The following IMMP1L variants were observed in gnomAD, a reference collection of about 807,000 sequenced individuals.
The protein encoded by IMMP1L is inner mitochondrial membrane peptidase subunit 1.
IMMP1L carries 24 observed loss-of-function variants against 21.8 expected under a neutral mutation model. That is an observed-to-expected ratio of 1.10 (90% CI 0.80 to 1.55). IMMP1L has a LOEUF of 1.55. Ranked by LOEUF, IMMP1L falls within the 40% of genes most tolerant of loss-of-function variation. The pLI, the probability that IMMP1L is intolerant of heterozygous loss-of-function variation, is 0.00. For missense variants in IMMP1L, 195 were observed against 200.7 expected, an observed-to-expected ratio of 0.97 and a Z score of 0.17; for synonymous variants, 46 against 62.8, an observed-to-expected ratio of 0.73 and a Z score of 1.26.
At chr11:31,453,092 C>T (rs767437170) in intron 4 of IMMP1L, 1 of 1,289,294 alleles carries the variant, frequency 7.8e-7, no homozygotes, top group Non-Finnish European at 1.0e-6. Context: ...TTTCCAAATA[C>T]CTAACAGTAA....
At chr11:31,489,008 C>A (rs984284611) in intron 1 of IMMP1L, among the ~76,000 whole-genome samples, 6 of 151,750 alleles carry the variant, frequency 4.0e-5, no homozygotes, top group Non-Finnish European at 5.9e-5. Context: ...GCCATTCTCC[C>A]GCCTCAGCCT....
intron 4 of IMMP1L, among the ~76,000 whole-genome samples, chr11:31,450,065 C>A (rs561072089): frequency 5.3e-5 from 8 of 152,054 alleles, no homozygotes; most frequent in South Asian, 2.1e-4. Context: ...AAAAATGATT[C>A]TTCATTTTAC....
At chr11:31,495,357 C>T (rs1955397855) in intron 1 of IMMP1L, among the ~76,000 whole-genome samples, 1 of 152,196 alleles carries the variant, frequency 6.6e-6, no homozygotes, top group South Asian at 2.1e-4. Context: ...TTACCCTGTT[C>T]CAAAGTCAAT....
chr11:31,452,488 T>C, intron 4 of IMMP1L: 2 of 985,458 alleles, frequency 2.0e-6, no homozygotes, highest in Non-Finnish European at 2.4e-6. Context: ...ATTTATTTCT[T>C]ATTTGCTACA....
At chr11:31,473,952 A>C (rs1954649649) in intron 1 of IMMP1L, among the ~76,000 whole-genome samples, 1 of 152,230 alleles carries the variant, frequency 6.6e-6, no homozygotes, top group African/African-American at 2.4e-5. Context: ...GAAATGATTT[A>C]ATGTCATTAA....
At chr11:31,480,820 G>C (rs1954871274) in intron 1 of IMMP1L, among the ~76,000 whole-genome samples, 1 of 152,020 alleles carries the variant, frequency 6.6e-6, no homozygotes, top group Admixed American at 6.6e-5. Flanking sequence ...CAATAGATGA[G>C]TGCAATGATA....
At chr11:31,495,152 C>A (rs988970870) in intron 1 of IMMP1L, among the ~76,000 whole-genome samples, 2 of 152,318 alleles carry the variant, frequency 1.3e-5, no homozygotes, top group Non-Finnish European at 1.5e-5. Context: ...CCATCTGAGA[C>A]CACCTCAGCC....
chr11:31,484,316 A>G (rs1450618287), intron 1 of IMMP1L, among the ~76,000 whole-genome samples: 2 of 151,958 alleles, frequency 1.3e-5, no homozygotes, highest in East Asian at 3.8e-4. Context: ...ATATAAGCAA[A>G]TATGAATATA....
intron 1 of IMMP1L, among the ~76,000 whole-genome samples, chr11:31,499,366 AAAAACAAAAC>A (rs144325871): frequency 3.3e-5 from 5 of 150,534 alleles, no homozygotes; most frequent in South Asian, 2.1e-4. Flanking sequence ...CTCCGTATCA[AAAAACAAAAC>A]AAAACAAAAC....
At chr11:31,488,216 G>T (rs1310395642) in intron 1 of IMMP1L, 2 of 152,110 alleles carry the variant, frequency 1.3e-5, no homozygotes, top group African/African-American at 4.8e-5. Context: ...TAAAGCATAG[G>T]TGGGTGATCC....
chr11:31,432,482 C>A lies in IMMP1L; in HGVS notation c.*18G>T. 1 of 1,584,266 alleles carries A rather than the reference C, an allele frequency of 6.3e-7. No homozygotes were observed. The highest frequency in any genetic ancestry group is 1.1e-5 in the South Asian group (1 of 90,318). On this transcript the variant is annotated 3_prime_UTR_variant, in exon 6 of 6. Transcript: ENST00000532287. ...CATGAAAAGGAGACAATAATCAAGTCAAAAGAATAAATGCTTACTAATCAT... is the reference window on the plus strand; with the variant it reads ...CATGAAAAGGAGACAATAATCAAGTAAAAAGAATAAATGCTTACTAATCAT...
At chr11:31,482,132 A>G (rs1346796195) in intron 1 of IMMP1L, among the ~76,000 whole-genome samples, 2 of 152,040 alleles carry the variant, frequency 1.3e-5, no homozygotes, top group South Asian at 4.1e-4. Context: ...AAAGTACATA[A>G]TTACGGTCAT....
chr11:31,455,791 A>C (rs1473542894), intron 4 of IMMP1L, among the ~76,000 whole-genome samples: 1 of 152,038 alleles, frequency 6.6e-6, no homozygotes, highest in African/African-American at 2.4e-5. Context: ...TCATGAGTAG[A>C]TTGAGGTTGT....
At chr11:31,474,261 A>G (rs1954660489) in intron 1 of IMMP1L, among the ~76,000 whole-genome samples, 1 of 152,166 alleles carries the variant, frequency 6.6e-6, no homozygotes, top group Non-Finnish European at 1.5e-5. Flanking sequence ...GGTAGAAGTT[A>G]TTGTGACAAG....
intron 1 of IMMP1L, among the ~76,000 whole-genome samples, chr11:31,487,903 T>C (rs1415758804): frequency 6.6e-6 from 1 of 152,156 alleles, no homozygotes; most frequent in African/African-American, 2.4e-5. Flanking sequence ...GGCAATGATA[T>C]AGCACCTTTA....
At chr11:31,433,074 A>T (rs899695350) in intron 5 of IMMP1L, among the ~76,000 whole-genome samples, 1 of 152,212 alleles carries the variant, frequency 6.6e-6, no homozygotes, top group East Asian at 1.9e-4. Context: ...TCTGTGACTC[A>T]CAGTACTCAA....
At chr11:31,505,839 A>C (rs1320176570) in intron 1 of IMMP1L, among the ~76,000 whole-genome samples, 5 of 152,206 alleles carry the variant, frequency 3.3e-5, no homozygotes, top group Admixed American at 6.5e-5. Flanking sequence ...TTTTCTTCCT[A>C]TGATTTGATT....
At chr11:31,446,003 C>A (rs1378646790) in intron 4 of IMMP1L, among the ~76,000 whole-genome samples, 1 of 152,048 alleles carries the variant, frequency 6.6e-6, no homozygotes, top group Non-Finnish European at 1.5e-5. Context: ...AATTTAATTG[C>A]CACAGTATTA....
intron 4 of IMMP1L, among the ~76,000 whole-genome samples, chr11:31,439,614 T>C (rs556915363): frequency 6.6e-6 from 1 of 152,234 alleles, no homozygotes; most frequent in African/African-American, 2.4e-5. Flanking sequence ...CTGATTAAAC[T>C]GGACACTCAC....
Sources: gnomAD v4.1 joint callset for allele counts (sites outside exome capture counted in the v4.1 genomes callset) on GRCh38, gnomAD v4.1.1 for gene constraint, MANE v1.5 for transcripts, NCBI Gene and HGNC (gene_info 2026-07-23, HGNC 2026-07-21) for gene names.